Variants in FHIT observed in about 807,000 individuals in gnomAD.
The protein encoded by FHIT is fragile histidine triad diadenosine triphosphatase, also known as bis(5'-adenosyl)-triphosphatase.
In FHIT, 19 loss-of-function variants were observed where a neutral mutation model predicts 17.9. The ratio of observed to expected loss-of-function variants is 1.06; its 90% CI spans 0.74 to 1.56. The LOEUF is 1.56. Among genes scored for constraint, FHIT ranks in the 40% most tolerant of loss-of-function variants. The pLI is 0.00. For synonymous variants in FHIT, 81 were observed against 69.7 expected (o/e 1.16, Z -0.81); for missense variants, 248 against 189.2 (o/e 1.31, Z -1.82).
At chr3:60,340,863 T>A (rs1453093258) in intron 5 of FHIT, among the ~76,000 whole-genome samples, 1 of 152,098 alleles carries the variant, frequency 6.6e-6, no homozygotes, top group East Asian at 1.9e-4. Context: ...GGCTAATTTT[T>A]GTATTTTTAG....
intron 4 of FHIT, among the ~76,000 whole-genome samples, chr3:60,700,873 T>G (rs2041229611): frequency 6.6e-6 from 1 of 152,214 alleles, no homozygotes; most frequent in Non-Finnish European, 1.5e-5. Flanking sequence ...CCTCTGTGAA[T>G]TGCCAATTAA....
chr3:60,332,510 T>C (rs1346380894), intron 5 of FHIT, among the ~76,000 whole-genome samples: 1 of 152,202 alleles, frequency 6.6e-6, no homozygotes, highest in Admixed American at 6.5e-5. Flanking sequence ...ACAAACTAGC[T>C]GGATCATTCT....
chr3:60,035,655 C>G (rs890440374), intron 5 of FHIT, among the ~76,000 whole-genome samples: 2 of 152,220 alleles, frequency 1.3e-5, no homozygotes. Flanking sequence ...CACACCTCAA[C>G]AGATTATTCT....
intron 4 of FHIT, among the ~76,000 whole-genome samples, chr3:60,793,263 T>A (rs1221860603): frequency 2.6e-5 from 4 of 152,114 alleles, no homozygotes; most frequent in Non-Finnish European, 5.9e-5. Context: ...AGTCTCAGAA[T>A]AAGATGCTGA....
At chr3:59,948,374 G>A (rs549322061) in intron 7 of FHIT, among the ~76,000 whole-genome samples, 14 of 148,942 alleles carry the variant, frequency 9.4e-5, no homozygotes, top group African/African-American at 2.2e-4. Flanking sequence ...AAAATTAGCC[G>A]GGCATAGTGG....
chr3:60,735,692 A>C (rs2042120452), intron 4 of FHIT, among the ~76,000 whole-genome samples: 1 of 152,258 alleles, frequency 6.6e-6, no homozygotes, highest in Admixed American at 6.5e-5. Context: ...GAGAAGCTGC[A>C]TCCAATCATT....
chr3:60,101,564 T>C (rs1342648214), intron 5 of FHIT, among the ~76,000 whole-genome samples: 2 of 152,224 alleles, frequency 1.3e-5, no homozygotes, highest in African/African-American at 4.8e-5. Flanking sequence ...CTGCTCCTTT[T>C]TACACAAACT....
intron 7 of FHIT, among the ~76,000 whole-genome samples, chr3:59,932,160 A>G (rs1165908710): frequency 6.6e-6 from 1 of 152,156 alleles, no homozygotes; most frequent in Non-Finnish European, 1.5e-5. Context: ...TTTGCCAATC[A>G]ATTTCCCCCA....
At chr3:60,381,353 C>T (rs1700791581) in intron 5 of FHIT, among the ~76,000 whole-genome samples, 1 of 151,964 alleles carries the variant, frequency 6.6e-6, no homozygotes, top group Admixed American at 6.6e-5. Context: ...TGGTGGGCAC[C>T]TGTAATCCCA....
intron 4 of FHIT, among the ~76,000 whole-genome samples, chr3:60,702,088 C>A (rs1553702327): frequency 6.6e-6 from 1 of 152,196 alleles, no homozygotes; most frequent in East Asian, 1.9e-4. Flanking sequence ...GTCTCTAACT[C>A]CTGGGGCTCA....
At chr3:60,310,811 G>A (rs1187717304) in intron 5 of FHIT, among the ~76,000 whole-genome samples, 3 of 152,094 alleles carry the variant, frequency 2.0e-5, no homozygotes, top group African/African-American at 4.8e-5. Flanking sequence ...GATGAGTACA[G>A]GGGACAACTG....
intron 2 of FHIT, among the ~76,000 whole-genome samples, chr3:61,169,676 A>C (rs1388327563): frequency 6.6e-6 from 1 of 152,202 alleles, no homozygotes; most frequent in Non-Finnish European, 1.5e-5. Context: ...TACAAGACAA[A>C]AATTGTGCAG....
intron 3 of FHIT, among the ~76,000 whole-genome samples, chr3:60,876,504 T>C (rs1334354185): frequency 6.6e-6 from 1 of 152,194 alleles, no homozygotes; most frequent in Non-Finnish European, 1.5e-5. Flanking sequence ...CTTGTTAAGG[T>C]TGTGAGCTTG....
At chr3:61,117,373 T>A (rs942491013) in intron 2 of FHIT, among the ~76,000 whole-genome samples, 3 of 152,180 alleles carry the variant, frequency 2.0e-5, no homozygotes, top group African/African-American at 7.2e-5. Flanking sequence ...AAATTCTTCC[T>A]ATGTTAACTA....
intron 5 of FHIT, among the ~76,000 whole-genome samples, chr3:60,394,655 G>A (rs910987598): frequency 1.3e-5 from 2 of 152,096 alleles, no homozygotes; most frequent in Non-Finnish European, 2.9e-5. Flanking sequence ...CTCCAATGGA[G>A]GAAATACTAG....
At chr3:61,204,613 A>C (rs2039147989) in intron 1 of FHIT, among the ~76,000 whole-genome samples, 1 of 146,166 alleles carries the variant, frequency 6.8e-6, no homozygotes, top group Non-Finnish European at 1.5e-5. Context: ...GGGTAAGTAC[A>C]TCTGTTAAAA....
intron 3 of FHIT, among the ~76,000 whole-genome samples, chr3:61,026,640 T>C (rs982139412): frequency 6.8e-6 from 1 of 146,052 alleles, no homozygotes; most frequent in East Asian, 1.9e-4. Context: ...CTTAAAACAT[T>C]ATGAGACCTT....
chr3:60,061,865 G>C (rs1368758824), intron 5 of FHIT, among the ~76,000 whole-genome samples: 1 of 152,126 alleles, frequency 6.6e-6, no homozygotes, highest in Non-Finnish European at 1.5e-5. Flanking sequence ...ATGAATTTCA[G>C]CCAGAAGAAC....
At chr3:59,893,667 T>C (rs995969279) in intron 8 of FHIT, among the ~76,000 whole-genome samples, 1 of 152,230 alleles carries the variant, frequency 6.6e-6, no homozygotes, top group African/African-American at 2.4e-5. Flanking sequence ...TTTCCACTGA[T>C]TAAAGTTCAG....
Sources: gnomAD v4.1 joint callset for allele counts (sites outside exome capture counted in the v4.1 genomes callset) on GRCh38, gnomAD v4.1.1 for gene constraint, MANE v1.5 for transcripts, NCBI Gene and HGNC (gene_info 2026-07-23, HGNC 2026-07-21) for gene names.